The following SLC28A2 variants were observed in gnomAD, a reference collection of about 807,000 sequenced individuals.
The protein encoded by SLC28A2 is solute carrier family 28 member 2, also known as sodium/nucleoside cotransporter 2.
A neutral mutation model predicts 72.9 loss-of-function variants in SLC28A2; 69 were observed. The ratio of observed to expected loss-of-function variants is 0.95; its 90% CI spans 0.78 to 1.16. The LOEUF (loss-of-function observed/expected upper bound fraction) is 1.16. Among genes scored for constraint, SLC28A2 ranks in the 50% most tolerant of loss-of-function variants. The pLI, the probability that SLC28A2 is intolerant of heterozygous loss-of-function variation, is 0.00. For missense variants in SLC28A2, 745 were observed against 791.1 expected, an observed-to-expected ratio of 0.94 and a Z score of 0.70; for synonymous variants, 296 against 294.1, an observed-to-expected ratio of 1.01 and a Z score of -0.07.
At chr15:45,271,148 C>G (rs1039803205) in intron 15 of SLC28A2, among the ~76,000 whole-genome samples, 1 of 152,162 alleles carries the variant, frequency 6.6e-6, no homozygotes, top group African/African-American at 2.4e-5. Flanking sequence ...TATATTTAGA[C>G]TGTTGGAGAT....
chr15:45,269,594 G>A, intron 14 of SLC28A2, 59 bp downstream of exon 14: 2 of 1,482,824 alleles, frequency 1.3e-6, no homozygotes, highest in Non-Finnish European at 1.9e-6. Context: ...TTATCTGAGG[G>A]TAGACAGAAA....
At chr15:45,261,955 T>C (rs562265671) in intron 3 of SLC28A2, 60 bp from the exon 4 acceptor site, 5 of 1,038,122 alleles carry the variant, frequency 4.8e-6, no homozygotes, top group Middle Eastern at 2.0e-4. Context: ...ATTCTGAGAG[T>C]TGAATTAATA....
intron 10 of SLC28A2, 80 bp downstream of exon 10, chr15:45,266,241 C>T: frequency 1.9e-6 from 2 of 1,035,006 alleles, no homozygotes; most frequent in Admixed American, 1.8e-5. Flanking sequence ...TGCTTTCCTT[C>T]TGAAAAGTCA....
chr15:45,256,342 C>A (rs1899977796), intron 3 of SLC28A2, among the ~76,000 whole-genome samples: 1 of 151,906 alleles, frequency 6.6e-6, no homozygotes, highest in South Asian at 2.1e-4. Flanking sequence ...CCTTAACTTG[C>A]ATTTCTTTAA....
At chr15:45,269,193 A>T in intron 13 of SLC28A2, 145 bp from the exon 14 acceptor site, 1 of 658,042 alleles carries the variant, frequency 1.5e-6, no homozygotes, top group Non-Finnish European at 2.7e-6. Flanking sequence ...ACAACCATGC[A>T]TGTCCTTCTG....
chr15:45,263,442 G>C (rs928670242), intron 5 of SLC28A2, among the ~76,000 whole-genome samples, 198 bp downstream of exon 5: 10 of 152,130 alleles, frequency 6.6e-5, no homozygotes, highest in African/African-American at 2.4e-4. Flanking sequence ...AACATTGCTG[G>C]GGGGCAGGAG....
At chr15:45,265,929 C>A (rs925804539) in intron 9 of SLC28A2, 152 bp from the exon 10 acceptor site, 1 of 646,754 alleles carries the variant, frequency 1.5e-6, no homozygotes, top group African/African-American at 1.8e-5. Context: ...GGTCAAGGCT[C>A]TGTTTCTAAG....
At position 45,264,034 on chromosome 15, in the gene SLC28A2, G is replaced by T; in HGVS notation, c.588+12G>T. ...AACACCACAGCGCAGTGAGTTTTGGGTATTTGGGTTGGGTATAGCAACACA... is the reference window on the plus strand; with the variant it reads ...AACACCACAGCGCAGTGAGTTTTGGTTATTTGGGTTGGGTATAGCAACACA... On this transcript the variant is annotated intron_variant, in intron 6 of 17. Coordinates refer to ENST00000347644, the MANE Select transcript of SLC28A2 (RefSeq NM_004212.4). 1 of 1,604,814 alleles carries T rather than the reference G, an allele frequency of 6.2e-7. No homozygotes were observed. Among genetic ancestry groups the T allele is most frequent in the Non-Finnish European group, 8.5e-7 (1 of 1,175,076 alleles).
intron 3 of SLC28A2, among the ~76,000 whole-genome samples, chr15:45,256,552 T>A (rs902050611): frequency 2.0e-5 from 3 of 151,978 alleles, no homozygotes; most frequent in Non-Finnish European, 2.9e-5. Context: ...GGATTACACG[T>A]GCTACCACAC....
intron 15 of SLC28A2, among the ~76,000 whole-genome samples, chr15:45,271,577 A>AGGAAGGAAGGAAGGAAGGAAGGAAGG (rs1900570774): frequency 1.5e-5 from 2 of 130,278 alleles, no homozygotes; most frequent in African/African-American, 6.3e-5. Flanking sequence ...AAAAAGAAGA[A>AGGAAGGAAGGAAGGAAGGAAGGAAGG]AAGGAAGGAA....
At chr15:45,268,672 T>C (rs1354185498) in intron 13 of SLC28A2, among the ~76,000 whole-genome samples, 1 of 152,138 alleles carries the variant, frequency 6.6e-6, no homozygotes, top group African/African-American at 2.4e-5. Context: ...ACTGGGTATA[T>C]ACCCAAAGGA....
At chr15:45,258,221 A>T (rs1595672060) in intron 3 of SLC28A2, among the ~76,000 whole-genome samples, 2 of 151,758 alleles carry the variant, frequency 1.3e-5, no homozygotes, top group East Asian at 3.8e-4. Context: ...ACTCCGTCTC[A>T]AAAATATATA....
Position 45,268,314 on chromosome 15 carries a change from C to T in SLC28A2, c.1304C>T (p.Ala435Val). The T allele has an allele frequency of 6.2e-7, 1 of 1,611,942 alleles. No homozygotes were observed. Among genetic ancestry groups the T allele is most frequent in the Non-Finnish European group, 8.5e-7 (1 of 1,178,276 alleles). ...ANLIAFLAVL[A>V]FINAALSWLG... ...CTGATTGCCTTTTTGGCTGTGTTGGCCTTCATCAATGCTGCCCTCTCCTGG... is the reference window on the plus strand; with the variant it reads ...CTGATTGCCTTTTTGGCTGTGTTGGTCTTCATCAATGCTGCCCTCTCCTGG... Residue 435 changes from alanine to valine, a missense_variant, in exon 13 of 18, where the codon GCC becomes GTC. Transcript: ENST00000347644.
At chr15:45,257,225 C>A (rs2413774) in intron 3 of SLC28A2, among the ~76,000 whole-genome samples, 11 of 152,134 alleles carry the variant, frequency 7.2e-5, no homozygotes, top group African/African-American at 2.7e-4. Context: ...TGAAACTTTC[C>A]CTGATGCTGC....
rs536808120 is a variant in SLC28A2, at chr15:45,253,107, G to A, written c.-16-93G>A. On this transcript the variant is annotated intron_variant, in intron 1 of 17. Coordinates refer to ENST00000347644, the MANE Select transcript of SLC28A2 (RefSeq NM_004212.4). ...AGCCTTCAAAGACTTTTAGTTTTGCGTTTTCCATGGGTAACTGGTCCTAAA... is the reference window on the plus strand; with the variant it reads ...AGCCTTCAAAGACTTTTAGTTTTGCATTTTCCATGGGTAACTGGTCCTAAA... The A allele has an allele frequency of 2.0e-4, 142 of 718,276 alleles. 1 individual carries two copies. In the South Asian group the frequency reaches 2.2e-3, roughly 11 times the overall value. The allele number at this position is 718,276 out of a possible 1,614,324, so 44.5% of individuals were successfully genotyped here.
At chr15:45,273,640 G>T (rs964688682) in intron 17 of SLC28A2, among the ~76,000 whole-genome samples, 2 of 152,274 alleles carry the variant, frequency 1.3e-5, no homozygotes, top group East Asian at 3.9e-4. Flanking sequence ...ATATCATTTT[G>T]GTAGCCATTT....
chr15:45,257,586 T>C (rs953582768), intron 3 of SLC28A2, among the ~76,000 whole-genome samples: 8 of 152,202 alleles, frequency 5.3e-5, no homozygotes, highest in African/African-American at 1.7e-4. Flanking sequence ...TCAATTCTGT[T>C]TTGTTTCTGT....
At chr15:45,268,135 AG>A in intron 12 of SLC28A2, 74 bp from the exon 13 acceptor site, 1 of 1,413,792 alleles carries the variant, frequency 7.1e-7, no homozygotes, top group Non-Finnish European at 9.8e-7. Context: ...CGATAGGGAC[AG>A]TGGGATTTCT....
At chr15:45,270,682 C>T (rs554401287) in intron 15 of SLC28A2, among the ~76,000 whole-genome samples, 1 of 151,960 alleles carries the variant, frequency 6.6e-6, no homozygotes, top group African/African-American at 2.4e-5. Context: ...GGCTGGAGTG[C>T]AGTGGTGTGA....
Sources: gnomAD v4.1 joint callset for allele counts (sites outside exome capture counted in the v4.1 genomes callset) on GRCh38, gnomAD v4.1.1 for gene constraint, MANE v1.5 for transcripts, NCBI Gene and HGNC (gene_info 2026-07-23, HGNC 2026-07-21) for gene names.